LACTB2: variants seen among roughly 807,000 people sequenced by gnomAD.
The protein encoded by LACTB2 is endoribonuclease LACTB2.
In LACTB2, 32 loss-of-function variants were observed where a neutral mutation model predicts 34.8. That is an observed-to-expected ratio of 0.92 (90% CI 0.69 to 1.24). The LOEUF is 1.24. LACTB2 is among the 50% of genes most tolerant of loss of function. The probability of loss-of-function intolerance (pLI) is 0.00; values close to 1 mark genes in which losing one functional copy is unlikely to be tolerated. For missense variants in LACTB2, 320 were observed against 345.0 expected, an observed-to-expected ratio of 0.93 and a Z score of 0.57; for synonymous variants, 120 against 117.5, an observed-to-expected ratio of 1.02 and a Z score of -0.14.
intron 4 of LACTB2, among the ~76,000 whole-genome samples, chr8:70,643,073 T>C (rs1818219545): frequency 6.6e-6 from 1 of 152,174 alleles, no homozygotes; most frequent in Non-Finnish European, 1.5e-5. Flanking sequence ...TAAGTTTATG[T>C]CTTTTTAACA....
intron 6 of LACTB2, among the ~76,000 whole-genome samples, chr8:70,638,196 T>C (rs1308092742): frequency 6.6e-6 from 1 of 152,226 alleles, no homozygotes; most frequent in Admixed American, 6.5e-5. Context: ...TTTACTACCT[T>C]TACCACTGTT....
At chr8:70,647,306 G>A (rs1818276194) in intron 3 of LACTB2, among the ~76,000 whole-genome samples, 2 of 150,950 alleles carry the variant, frequency 1.3e-5, no homozygotes, top group South Asian at 4.2e-4. Flanking sequence ...AGGCTGGAGT[G>A]CAGTGGTGCA....
Position 70,641,047 on chromosome 8 carries a change from T to G in LACTB2, c.596A>C (p.His199Pro). 6.3e-7 allele frequency: 1 copy of G among 1,590,138 alleles called. No homozygotes were observed. Among genetic ancestry groups the G allele is most frequent in the Non-Finnish European group, 8.5e-7 (1 of 1,172,032 alleles). ...TTCAGCATTATGAATTACTGGGCCA[T>G]GTCCTGAATTAAAATAATTATAAGA... is the stretch of plus-strand genomic sequence containing the variant. ...KIKADIIYPG[H>P]GPVIHNAEAK... The change falls in exon 5 of 7, where the codon CAT (histidine) becomes CCT (proline). Residue 199 changes from histidine (H) to proline (P), a missense_variant. Transcript: ENST00000276590.
intron 1 of LACTB2, among the ~76,000 whole-genome samples, chr8:70,668,126 C>T (rs1171466467): frequency 6.6e-6 from 1 of 152,206 alleles, no homozygotes; most frequent in African/African-American, 2.4e-5. Flanking sequence ...AAACGCCAAA[C>T]AGTAGACACT....
chr8:70,638,202 C>G (rs1255974951), intron 6 of LACTB2, among the ~76,000 whole-genome samples: 6 of 152,236 alleles, frequency 3.9e-5, no homozygotes, highest in Non-Finnish European at 1.5e-5. Context: ...ACCTTTACCA[C>G]TGTTTAAAAC....
intron 4 of LACTB2, among the ~76,000 whole-genome samples, chr8:70,642,258 C>T (rs1818207583): frequency 6.6e-6 from 1 of 151,952 alleles, no homozygotes; most frequent in South Asian, 2.1e-4. Context: ...ACAAACAAAC[C>T]CCCCCAAAGC....
intron 2 of LACTB2, among the ~76,000 whole-genome samples, chr8:70,659,428 C>T (rs1818455672): frequency 6.6e-6 from 1 of 152,058 alleles, no homozygotes; most frequent in Non-Finnish European, 1.5e-5. Context: ...GGACAAGGCA[C>T]AGAAATTTGC....
chr8:70,655,048 C>G lies in LACTB2; in HGVS notation c.413+2708G>C, dbSNP rs181864432. 3.4e-3 allele frequency among the ~76,000 whole-genome samples: 517 copies of G among 152,172 alleles called. 7 individuals are homozygous for G. The highest frequency in any genetic ancestry group is 4.7e-3 in the Non-Finnish European group (320 of 68,018). On this transcript the variant is annotated intron_variant, in intron 3 of 6. Transcript: ENST00000276590. ...CCTCATCTCCCTCCCACCCTTCCCC[C>G]CAAGTCCCCAAAGTCCATTGTATTG...
intron 3 of LACTB2, among the ~76,000 whole-genome samples, chr8:70,645,083 C>T: frequency 6.6e-6 from 1 of 151,664 alleles, no homozygotes; most frequent in African/African-American, 2.4e-5. Context: ...CACACATATA[C>T]ACATATATAC....
At chr8:70,649,838 C>G (rs943710599) in intron 3 of LACTB2, among the ~76,000 whole-genome samples, 6 of 152,184 alleles carry the variant, frequency 3.9e-5, no homozygotes, top group African/African-American at 1.4e-4. Flanking sequence ...TACAACAAAA[C>G]TGTACCATTA....
At chr8:70,666,483 C>T (rs937265720) in intron 1 of LACTB2, among the ~76,000 whole-genome samples, 2 of 152,178 alleles carry the variant, frequency 1.3e-5, no homozygotes, top group South Asian at 2.1e-4. Flanking sequence ...TCACAAACCT[C>T]ATCTGAGACA....
At chr8:70,652,509 AG>A (rs1818355655) in intron 3 of LACTB2, 1 of 152,200 alleles carries the variant, frequency 6.6e-6, no homozygotes, top group Non-Finnish European at 1.5e-5. Flanking sequence ...TCTTTTTGTC[AG>A]TTTTCCCCTT....
intron 2 of LACTB2, among the ~76,000 whole-genome samples, chr8:70,658,261 GTAAT>G (rs756679179): frequency 6.6e-5 from 10 of 152,206 alleles, no homozygotes; most frequent in Non-Finnish European, 1.5e-4. Context: ...TGTCATGACA[GTAAT>G]TAATAACAAA....
Position 70,660,962 on chromosome 8 carries a change from T to G in LACTB2, c.286+772A>C, listed in dbSNP as rs375749007. The G allele has an allele frequency of 1.5e-4, 67 of 455,380 alleles. 1 individual carries two copies. Among genetic ancestry groups the G allele is most frequent in the South Asian group, 1.0e-3 (66 of 64,350 alleles). The allele number at this position is 455,380 out of a possible 1,614,324, so 28.2% of individuals were successfully genotyped here. Reference sequence around the variant, plus strand: ...CCGGGAAATTTTTGTACTTTTTTTGTAGAGACAGGGTCTTGCTATGTTGCC... The same window carrying G: ...CCGGGAAATTTTTGTACTTTTTTTGGAGAGACAGGGTCTTGCTATGTTGCC... On this transcript the variant is annotated intron_variant, in intron 2 of 6. Coordinates refer to ENST00000276590, the MANE Select transcript of LACTB2 (RefSeq NM_016027.3).
Position 70,640,923 on chromosome 8 carries a change from C to T in LACTB2, c.720G>A (p.Glu240=). The change falls in exon 5 of 7, where the codon GAG becomes GAA. Residue 240 remains glutamate (E), a synonymous_variant. Coordinates refer to ENST00000276590, the MANE Select transcript of LACTB2 (RefSeq NM_016027.3). The part of the protein sequence containing the change: ...ENFEKSFTVM[E]LVKIIYKNTP... ...TTACCTTGTAAATAATTTTTACAAG[C>T]TCCATTACTGTAAATGATTTCTCAA... 1.3e-6 allele frequency: 2 copies of T among 1,595,224 alleles called. No homozygotes were observed. Among genetic ancestry groups the T allele is most frequent in the Non-Finnish European group, 1.7e-6 (2 of 1,173,558 alleles).
chr8:70,668,925 G>C lies in LACTB2; in HGVS notation c.122+74C>G, dbSNP rs1480253208. The C allele has an allele frequency of 4.6e-6, 7 of 1,536,562 alleles. No homozygotes were observed. In the Admixed American group the frequency reaches 1.4e-4, roughly 31 times the overall value. On this transcript the variant is annotated intron_variant, in intron 1 of 6. Transcript: ENST00000276590. ...GGACGCGGCGCTCTCCACTGCCCGC[G>C]CAGCCGCGATCAGTCAAAGCCCGGG... is the stretch of plus-strand genomic sequence containing the variant.
At chr8:70,666,431 G>A (rs1406046104) in intron 1 of LACTB2, among the ~76,000 whole-genome samples, 1 of 152,200 alleles carries the variant, frequency 6.6e-6, no homozygotes, top group African/African-American at 2.4e-5. Flanking sequence ...GGAATGAGTG[G>A]AAGAAAGAGG....
chr8:70,662,540 A>G (rs923623611), intron 1 of LACTB2: 1 of 152,176 alleles, frequency 6.6e-6, no homozygotes, highest in Admixed American at 6.5e-5. Flanking sequence ...TTCTTTCTTT[A>G]CTTAGACAAC....
intron 3 of LACTB2, among the ~76,000 whole-genome samples, chr8:70,653,273 G>T (rs1332972927): frequency 6.6e-6 from 1 of 152,048 alleles, no homozygotes; most frequent in African/African-American, 2.4e-5. Flanking sequence ...ACCATGCCTG[G>T]CTATTTTTTT....
Sources: allele counts gnomAD v4.1 joint callset (sites outside exome capture counted in the v4.1 genomes callset), GRCh38; gene constraint gnomAD v4.1.1; transcripts MANE v1.5; gene names NCBI Gene and HGNC (gene_info 2026-07-23, HGNC 2026-07-21).